The following MEMO1 variants were observed in gnomAD, a reference collection of about 807,000 sequenced individuals.
MEMO1 encodes protein MEMO1.
In MEMO1, 6 loss-of-function variants were observed where a neutral mutation model predicts 45.2. The ratio of observed to expected loss-of-function variants is 0.13; its 90% confidence interval spans 0.07 to 0.26. The LOEUF is 0.26. Ranked by LOEUF, MEMO1 falls within the 10% of genes least tolerant of loss-of-function variation. The probability of loss-of-function intolerance (pLI) is 1.00; values close to 1 mark genes in which losing one functional copy is unlikely to be tolerated. For missense variants in MEMO1, 184 were observed against 370.5 expected, an observed-to-expected ratio of 0.50 and a Z score of 4.13; for synonymous variants, 78 against 124.3, an observed-to-expected ratio of 0.63 and a Z score of 2.48.
chr2:31,888,087 AT>A (rs1285007930), intron 7 of MEMO1, among the ~76,000 whole-genome samples: 1 of 152,170 alleles, frequency 6.6e-6, no homozygotes, highest in African/African-American at 2.4e-5. Context: ...AAAAAAATAT[AT>A]GTCATAAATA....
chr2:31,963,444 C>T, intron 2 of MEMO1: 1 of 618,308 alleles, frequency 1.6e-6, no homozygotes, highest in Non-Finnish European at 2.3e-6. Context: ...CAAAATATTC[C>T]CCAGTTACTT....
At chr2:31,995,616 AG>A (rs1345815416) in intron 2 of MEMO1, among the ~76,000 whole-genome samples, 1 of 152,050 alleles carries the variant, frequency 6.6e-6, no homozygotes. Context: ...ACAGAAAAAA[AG>A]GGGGGGAACA....
intron 8 of MEMO1, among the ~76,000 whole-genome samples, chr2:31,872,032 C>CACACACACAT (rs1445277725): frequency 1.7e-4 from 26 of 151,484 alleles, no homozygotes; most frequent in Non-Finnish European, 3.4e-4. Context: ...CACACACACA[C>CACACACACAT]ACACACACAC....
chr2:31,868,895 T>C (rs1465386568), intron 9 of MEMO1, among the ~76,000 whole-genome samples: 1 of 152,208 alleles, frequency 6.6e-6, no homozygotes, highest in Non-Finnish European at 1.5e-5. Flanking sequence ...AAAATCCAAA[T>C]CTAAAAGGTA....
intron 6 of MEMO1, among the ~76,000 whole-genome samples, chr2:31,910,720 C>T (rs1302463112): frequency 6.6e-6 from 1 of 152,040 alleles, no homozygotes; most frequent in Non-Finnish European, 1.5e-5. Flanking sequence ...ATTAGCCAGG[C>T]ATGGTGGTGC....
chr2:31,981,565 T>C (rs561694348), intron 2 of MEMO1, among the ~76,000 whole-genome samples: 48 of 152,278 alleles, frequency 3.2e-4, no homozygotes, highest in African/African-American at 1.1e-3. Flanking sequence ...AAACTTCAAA[T>C]GAAACCACAA....
intron 2 of MEMO1, among the ~76,000 whole-genome samples, chr2:31,999,862 T>A (rs1673058812): frequency 6.6e-6 from 1 of 151,754 alleles, no homozygotes; most frequent in Non-Finnish European, 1.5e-5. Context: ...ACAAGGCTTG[T>A]TCTTTCACCT....
At chr2:31,943,530 T>C (rs1169547039) in intron 2 of MEMO1, 147 bp from the exon 3 acceptor site, 2 of 667,050 alleles carry the variant, frequency 3.0e-6, no homozygotes, top group African/African-American at 1.8e-5. Flanking sequence ...AATGTTTGAA[T>C]TTACCAACTA....
intron 2 of MEMO1, among the ~76,000 whole-genome samples, chr2:31,977,234 C>G (rs1014538876): frequency 2.0e-5 from 3 of 152,120 alleles, no homozygotes; most frequent in Non-Finnish European, 4.4e-5. Flanking sequence ...GCTAGAATAG[C>G]TGACCCCTTT....
chr2:31,913,789 C>A (rs1160234071), intron 6 of MEMO1, among the ~76,000 whole-genome samples: 1 of 152,084 alleles, frequency 6.6e-6, no homozygotes, highest in Non-Finnish European at 1.5e-5. Context: ...AATCCGTCAA[C>A]TATTTAACCA....
intron 2 of MEMO1, among the ~76,000 whole-genome samples, chr2:32,001,005 G>C (rs1673235288): frequency 6.7e-6 from 1 of 149,472 alleles, no homozygotes; most frequent in Non-Finnish European, 1.5e-5. Flanking sequence ...ATTAAATAAA[G>C]CCTCTTCAGA....
At chr2:31,914,666 A>G (rs1000001764) in intron 6 of MEMO1, among the ~76,000 whole-genome samples, 1 of 152,174 alleles carries the variant, frequency 6.6e-6, no homozygotes, top group African/African-American at 2.4e-5. Flanking sequence ...AAATGCATAC[A>G]TTGAGGTGAT....
At chr2:31,986,451 G>GA (rs1558556499) in intron 2 of MEMO1, among the ~76,000 whole-genome samples, 1 of 152,082 alleles carries the variant, frequency 6.6e-6, no homozygotes, top group African/African-American at 2.4e-5. Context: ...CAGCCTGAGC[G>GA]AAAGTGTGAG....
intron 7 of MEMO1, among the ~76,000 whole-genome samples, chr2:31,885,691 G>C (rs1469742370): frequency 6.6e-6 from 1 of 152,120 alleles, no homozygotes; most frequent in Non-Finnish European, 1.5e-5. Context: ...AACTGCTTTA[G>C]GTTTACACTA....
chr2:31,872,983 T>C (rs1674012802), intron 8 of MEMO1, among the ~76,000 whole-genome samples: 1 of 152,186 alleles, frequency 6.6e-6, no homozygotes, highest in South Asian at 2.1e-4. Flanking sequence ...CCTATGTTTT[T>C]ATGTTAACAG....
intron 2 of MEMO1, among the ~76,000 whole-genome samples, chr2:31,989,840 G>A (rs1435008681): frequency 1.3e-5 from 2 of 152,044 alleles, no homozygotes; most frequent in Non-Finnish European, 2.9e-5. Flanking sequence ...ATTTTGGCCG[G>A]GTGTGGTGGC....
At chr2:31,978,917 T>C (rs1206024050) in intron 2 of MEMO1, among the ~76,000 whole-genome samples, 1 of 152,192 alleles carries the variant, frequency 6.6e-6, no homozygotes, top group Non-Finnish European at 1.5e-5. Flanking sequence ...GCCTATGGAA[T>C]CACATTTTCC....
chr2:31,960,153 C>T (rs776030519), intron 2 of MEMO1, among the ~76,000 whole-genome samples: 4 of 151,326 alleles, frequency 2.6e-5, no homozygotes, highest in Admixed American at 6.6e-5. Flanking sequence ...GTCGATATCA[C>T]GCCACTGCAC....
chr2:31,961,884 A>G (rs536879661), intron 2 of MEMO1, among the ~76,000 whole-genome samples: 2 of 152,316 alleles, frequency 1.3e-5, no homozygotes, highest in Admixed American at 1.3e-4. Flanking sequence ...TCAAGGTCAC[A>G]TGACTAGTAA....
Sources: allele counts gnomAD v4.1 joint callset (sites outside exome capture counted in the v4.1 genomes callset), GRCh38; gene constraint gnomAD v4.1.1; transcripts MANE v1.5; gene names NCBI Gene and HGNC (gene_info 2026-07-23, HGNC 2026-07-21).